CHL1: variants seen among roughly 807,000 people sequenced by gnomAD.
The protein encoded by CHL1 is neural cell adhesion molecule L1-like protein.
CHL1 carries 96 observed loss-of-function variants against 141.9 expected under a neutral mutation model. The ratio of observed to expected loss-of-function variants is 0.68; its 90% CI spans 0.57 to 0.80. The LOEUF (loss-of-function observed/expected upper bound fraction) is 0.80. Ranked by LOEUF, CHL1 falls within the 30% of genes least tolerant of loss-of-function variation. CHL1 has a pLI of 0.00. For missense variants in CHL1, 1,820 were observed against 1,457.2 expected (o/e 1.25, Z -4.05); for synonymous variants, 613 against 502.2 (o/e 1.22, Z -2.95).
intron 2 of CHL1, among the ~76,000 whole-genome samples, chr3:293,701 A>C (rs1380473912): frequency 6.6e-6 from 1 of 152,214 alleles, no homozygotes; most frequent in Non-Finnish European, 1.5e-5. Flanking sequence ...AAAGATTCCA[A>C]ATGATGATTG....
intron 2 of CHL1, among the ~76,000 whole-genome samples, chr3:297,606 A>G (rs1436227292): frequency 2.0e-5 from 3 of 152,266 alleles, no homozygotes; most frequent in Non-Finnish European, 4.4e-5. Context: ...AACACCGTGA[A>G]GAGAGAACAA....
chr3:333,996 G>T (rs1403408116), intron 5 of CHL1, among the ~76,000 whole-genome samples: 1 of 151,814 alleles, frequency 6.6e-6, no homozygotes, highest in African/African-American at 2.4e-5. Flanking sequence ...TTGCTCTGTT[G>T]CCCAGGCTAG....
chr3:289,815 T>G (rs969118048), intron 2 of CHL1, among the ~76,000 whole-genome samples: 1 of 152,066 alleles, frequency 6.6e-6, no homozygotes, highest in Admixed American at 6.6e-5. Context: ...TATTGTATGC[T>G]CATTAATACA....
chr3:391,658 G>C lies in CHL1; in HGVS notation c.2792-17G>C, dbSNP rs367609056. On this transcript the variant is annotated splice_polypyrimidine_tract_variant and intron_variant, in intron 22 of 27. Coordinates refer to ENST00000256509, the MANE Select transcript of CHL1 (RefSeq NM_006614.4). ...TTCTAATTGATGTGAGTTTATTTTT[G>C]GTCTTGTGTTTTCTAGTACCTGAAC... 1.1e-4 allele frequency: 179 copies of C among 1,568,780 alleles called. No homozygotes were observed. Among genetic ancestry groups the C allele is most frequent in the Non-Finnish European group, 1.5e-4 (173 of 1,154,126 alleles).
At chr3:278,602 G>A (rs993770989) in intron 2 of CHL1, among the ~76,000 whole-genome samples, 1 of 152,138 alleles carries the variant, frequency 6.6e-6, no homozygotes, top group Non-Finnish European at 1.5e-5. Context: ...CTGTTTTCCT[G>A]TTTGATGCGC....
chr3:281,340 A>T (rs1263723460), intron 2 of CHL1, among the ~76,000 whole-genome samples: 1 of 152,028 alleles, frequency 6.6e-6, no homozygotes, highest in African/African-American at 2.4e-5. Flanking sequence ...ATAGAAAGGG[A>T]CCTCACATCC....
chr3:260,566 G>A (rs941175737), intron 2 of CHL1, among the ~76,000 whole-genome samples: 6 of 152,156 alleles, frequency 3.9e-5, no homozygotes, highest in Non-Finnish European at 8.8e-5. Flanking sequence ...ATACCAGCAC[G>A]ACAGCAGATT....
intron 5 of CHL1, among the ~76,000 whole-genome samples, chr3:328,703 C>T (rs540370560): frequency 1.3e-5 from 2 of 152,192 alleles, no homozygotes; most frequent in African/African-American, 4.8e-5. Flanking sequence ...TAAAGTTATT[C>T]CCCGATAAAG....
intron 1 of CHL1, among the ~76,000 whole-genome samples, chr3:242,796 G>A (rs1692789064): frequency 1.3e-5 from 2 of 152,110 alleles, no homozygotes; most frequent in African/African-American, 4.8e-5. Flanking sequence ...TGAGAGCTCT[G>A]TGGGCGTAGG....
chr3:226,448 A>T (rs1013611720), intron 1 of CHL1, among the ~76,000 whole-genome samples: 14 of 147,766 alleles, frequency 9.5e-5, no homozygotes, highest in South Asian at 2.1e-4. Context: ...TATTATTATT[A>T]TTATTTTTTC....
At chr3:287,999 C>A (rs970091222) in intron 2 of CHL1, among the ~76,000 whole-genome samples, 1 of 152,184 alleles carries the variant, frequency 6.6e-6, no homozygotes, top group East Asian at 1.9e-4. Flanking sequence ...AACTCCTGAC[C>A]TCGGGCAATC....
intron 2 of CHL1, among the ~76,000 whole-genome samples, chr3:258,594 A>G (rs896403816): frequency 1.8e-4 from 27 of 152,200 alleles, no homozygotes; most frequent in African/African-American, 5.8e-4. Context: ...TTTCTTCAAG[A>G]AAACATTTCC....
chr3:217,171 A>C (rs377032998), intron 1 of CHL1, among the ~76,000 whole-genome samples: 10 of 152,104 alleles, frequency 6.6e-5, no homozygotes, highest in African/African-American at 9.7e-5. Context: ...CTGAAAAAAG[A>C]ACAATAACAG....
intron 10 of CHL1, 132 bp from the exon 11 acceptor site, chr3:354,508 C>A: frequency 2.0e-6 from 2 of 990,192 alleles, no homozygotes; most frequent in African/African-American, 1.6e-5. Context: ...AGCAAGTTTA[C>A]CAAAAAGAGC....
intron 2 of CHL1, among the ~76,000 whole-genome samples, chr3:251,718 T>C (rs1455428523): frequency 2.0e-5 from 3 of 152,136 alleles, no homozygotes; most frequent in Admixed American, 1.3e-4. Context: ...TTTTGGAAAG[T>C]AGACTTTTTA....
At position 342,996 on chromosome 3, in the gene CHL1, A is replaced by C. The variant is rs1442973155; in HGVS notation, c.692A>C (p.Asn231Thr). The C allele has an allele frequency of 5.0e-6, 8 of 1,609,120 alleles. No individual in the cohort carries two copies. In the East Asian group the frequency reaches 1.6e-4, roughly 32 times the overall value. The change falls in exon 8 of 28, where the codon AAT (asparagine) becomes ACT (threonine). Residue 231 changes from asparagine (N) to threonine (T), a missense_variant. Asn to Thr is a moderately conservative substitution (Grantham distance 65). Coordinates refer to ENST00000256509, the MANE Select transcript of CHL1 (RefSeq NM_006614.4). ...KLTVNSLKHA[N>T]DSSSSTEIGS... ...TTTTTTATTTCAGTAAAGCATGCTA[A>C]TGACTCAAGTTCATCCACAGAAATT...
At chr3:306,334 A>G (rs1048565883) in intron 2 of CHL1, among the ~76,000 whole-genome samples, 9 of 152,276 alleles carry the variant, frequency 5.9e-5, no homozygotes, top group African/African-American at 2.2e-4. Flanking sequence ...GCTTTTAATG[A>G]TTTGTACAGT....
intron 2 of CHL1, among the ~76,000 whole-genome samples, chr3:250,811 G>A (rs1471480238): frequency 6.6e-6 from 1 of 152,104 alleles, no homozygotes; most frequent in Non-Finnish European, 1.5e-5. Context: ...AAATGACAGT[G>A]AAAAGGAAGG....
intron 6 of CHL1, among the ~76,000 whole-genome samples, chr3:341,276 GA>G (rs1236190694): frequency 1.3e-5 from 2 of 152,158 alleles, no homozygotes; most frequent in Non-Finnish European, 2.9e-5. Flanking sequence ...ACTCTGATCT[GA>G]AAATCTAGCT....
Sources: gnomAD v4.1 joint callset for allele counts (sites outside exome capture counted in the v4.1 genomes callset) on GRCh38, gnomAD v4.1.1 for gene constraint, MANE v1.5 for transcripts, NCBI Gene and HGNC (gene_info 2026-07-23, HGNC 2026-07-21) for gene names.